Variants in SFXN5 observed in about 807,000 individuals in gnomAD.
The protein encoded by SFXN5 is sideroflexin 5, also known as sideroflexin-5.
In SFXN5, 43 loss-of-function variants were observed where a neutral mutation model predicts 50.2. That is an observed-to-expected ratio of 0.86 (90% CI 0.67 to 1.11). SFXN5 has a LOEUF of 1.11. Ranked by LOEUF, SFXN5 falls within the 50% of genes least tolerant of loss-of-function variation. The pLI, the probability that SFXN5 is intolerant of heterozygous loss-of-function variation, is 0.00. For missense variants in SFXN5, 463 were observed against 454.1 expected (o/e 1.02, Z -0.18); for synonymous variants, 203 against 185.8 (o/e 1.09, Z -0.75).
intron 10 of SFXN5, among the ~76,000 whole-genome samples, chr2:72,979,361 C>T (rs1169234225): frequency 1.3e-5 from 2 of 151,900 alleles, no homozygotes; most frequent in Non-Finnish European, 2.9e-5. Context: ...AGGCCGAGTG[C>T]AGTGGCTCAT....
chr2:72,990,471 G>A (rs1396003682), intron 9 of SFXN5, among the ~76,000 whole-genome samples: 2 of 152,218 alleles, frequency 1.3e-5, no homozygotes, highest in African/African-American at 4.8e-5. Context: ...GAGAGAAAGT[G>A]TGGGAGGAAG....
Position 72,994,661 on chromosome 2 carries a change from T to C in SFXN5, c.534+4288A>G, listed in dbSNP as rs929822761. Among the ~76,000 whole-genome samples, 3 of 151,998 alleles carry C rather than the reference T, an allele frequency of 2.0e-5. No individual in the cohort carries two copies. The East Asian group carries it at 5.8e-4, about 30-fold the overall frequency. ...CCACGTCCACCCTCATTCAGGCCCC[T>C]TGTCCATGAGGGTGGCCCCACCCCT... On this transcript the variant is annotated intron_variant, in intron 9 of 13. Coordinates refer to ENST00000272433, the MANE Select transcript of SFXN5 (RefSeq NM_144579.3).
intron 12 of SFXN5, among the ~76,000 whole-genome samples, chr2:72,967,651 A>G (rs946672461): frequency 2.0e-5 from 3 of 152,122 alleles, no homozygotes; most frequent in African/African-American, 7.2e-5. Flanking sequence ...ACACGCCCCC[A>G]ATTCCAGCTG....
chr2:73,066,696 T>C (rs561239270), intron 1 of SFXN5, among the ~76,000 whole-genome samples: 83 of 151,636 alleles, frequency 5.5e-4, no homozygotes, highest in African/African-American at 1.3e-3. Flanking sequence ...GACTGGTTAC[T>C]TGATGATATT....
chr2:72,949,068 A>G (rs1441171621), intron 13 of SFXN5, among the ~76,000 whole-genome samples: 5 of 152,188 alleles, frequency 3.3e-5, no homozygotes. Flanking sequence ...AGAGGTGGTG[A>G]GCCAGGAAGA....
intron 3 of SFXN5, among the ~76,000 whole-genome samples, chr2:73,024,698 T>C (rs973058986): frequency 6.6e-6 from 1 of 152,046 alleles, no homozygotes; most frequent in African/African-American, 2.4e-5. Context: ...CAAAGGCCAG[T>C]ATATTTTTTT....
At chr2:73,043,723 T>G (rs1205775571) in intron 2 of SFXN5, among the ~76,000 whole-genome samples, 4 of 152,188 alleles carry the variant, frequency 2.6e-5, no homozygotes, top group Non-Finnish European at 5.9e-5. Flanking sequence ...TTGTACAAGT[T>G]AATTCATGCT....
intron 6 of SFXN5, among the ~76,000 whole-genome samples, chr2:73,012,540 T>A (rs1460258523): frequency 1.3e-5 from 2 of 151,698 alleles, no homozygotes; most frequent in African/African-American, 4.8e-5. Flanking sequence ...TCAGGCCAAC[T>A]ATTGTTCATG....
chr2:73,017,853 G>C (rs1676365417), intron 6 of SFXN5, among the ~76,000 whole-genome samples: 3 of 152,162 alleles, frequency 2.0e-5, no homozygotes, highest in South Asian at 4.1e-4. Flanking sequence ...TGGTTTCTAA[G>C]TATCATTTCC....
intron 1 of SFXN5, among the ~76,000 whole-genome samples, chr2:73,065,458 T>C (rs1399305179): frequency 1.3e-5 from 2 of 151,560 alleles, no homozygotes; most frequent in African/African-American, 4.9e-5. Context: ...TGGAGTGCAA[T>C]GGTGCAATCT....
chr2:73,021,173 C>T (rs1180494871), intron 5 of SFXN5, among the ~76,000 whole-genome samples: 3 of 152,108 alleles, frequency 2.0e-5, no homozygotes, highest in South Asian at 2.1e-4. Context: ...CCTGCTGTGC[C>T]GGGTGCAGGG....
chr2:73,031,469 A>C (rs1447984526), intron 3 of SFXN5, among the ~76,000 whole-genome samples: 1 of 152,262 alleles, frequency 6.6e-6, no homozygotes, highest in East Asian at 1.9e-4. Flanking sequence ...GGACAGAAAT[A>C]AACTGTCTCA....
At chr2:72,989,072 G>T (rs1156456932) in intron 9 of SFXN5, among the ~76,000 whole-genome samples, 3 of 152,144 alleles carry the variant, frequency 2.0e-5, no homozygotes, top group African/African-American at 7.2e-5. Context: ...TCCTCTCTAT[G>T]ACCAACGTGT....
chr2:73,047,329 G>A (rs1256929160), intron 2 of SFXN5, among the ~76,000 whole-genome samples: 17 of 97,458 alleles, frequency 1.7e-4, no homozygotes, highest in East Asian at 3.3e-4. Flanking sequence ...GTATATATAT[G>A]TGTATATATA....
chr2:73,056,347 A>G lies in SFXN5; in HGVS notation c.171+2181T>C, dbSNP rs147163177. ...CAGTGAGCTGAGATCGTGCCATTAC[A>G]CTCCAGCCTGGGGGACAAGAGCGAG... is the stretch of plus-strand genomic sequence containing the variant. On this transcript the variant is annotated intron_variant, in intron 2 of 13. Transcript: ENST00000272433. Among the ~76,000 whole-genome samples, 587 of 151,074 alleles carry G rather than the reference A, an allele frequency of 3.9e-3. 2 individuals are homozygous for G. Among genetic ancestry groups the G allele is most frequent in the African/African-American group, 0.014 (555 of 41,084 alleles).
intron 10 of SFXN5, among the ~76,000 whole-genome samples, chr2:72,972,662 G>A (rs928115822): frequency 1.3e-5 from 2 of 152,208 alleles, no homozygotes; most frequent in East Asian, 3.9e-4. Flanking sequence ...CCCGCTGCAG[G>A]ATGGAAGTGG....
intron 2 of SFXN5, among the ~76,000 whole-genome samples, chr2:73,045,919 C>T (rs1056502800): frequency 1.3e-5 from 2 of 152,222 alleles, no homozygotes; most frequent in East Asian, 3.9e-4. Flanking sequence ...GAAGGGGAAC[C>T]AGGGACACGT....
chr2:73,041,991 G>A (rs1461929850), intron 2 of SFXN5, among the ~76,000 whole-genome samples: 3 of 152,294 alleles, frequency 2.0e-5, no homozygotes, highest in Middle Eastern at 6.8e-3. Flanking sequence ...GTGAGCCACG[G>A]TGCCCGGCCA....
chr2:73,027,019 G>C (rs1433421221), intron 3 of SFXN5, among the ~76,000 whole-genome samples: 2 of 152,082 alleles, frequency 1.3e-5, no homozygotes, highest in African/African-American at 4.8e-5. Context: ...GAGCCACCGT[G>C]CCCAGCCACT....
Sources: allele counts gnomAD v4.1 joint callset (sites outside exome capture counted in the v4.1 genomes callset), GRCh38; gene constraint gnomAD v4.1.1; transcripts MANE v1.5; gene names NCBI Gene and HGNC (gene_info 2026-07-23, HGNC 2026-07-21).